CLDN14: variants seen among roughly 807,000 people sequenced by gnomAD.
CLDN14 encodes the protein claudin 14.
A neutral mutation model predicts 2.1 loss-of-function variants in CLDN14; 2 were observed. The observed-to-expected ratio is 0.96, with a 90% CI of 0.39 to 3.01. The LOEUF (loss-of-function observed/expected upper bound fraction) is 3.01. Ranked by LOEUF, CLDN14 falls within the 30% of genes most tolerant of loss-of-function variation. The probability of loss-of-function intolerance (pLI) is 0.09; values close to 1 mark genes in which losing one functional copy is unlikely to be tolerated. For missense variants in CLDN14, 298 were observed against 328.0 expected (o/e 0.91, Z 0.71); for synonymous variants, 136 against 154.4 (o/e 0.88, Z 0.88).
At chr21:36,476,182 G>A (rs1346087242) in intron 1 of CLDN14, among the ~76,000 whole-genome samples, 1 of 152,064 alleles carries the variant, frequency 6.6e-6, no homozygotes, top group Non-Finnish European at 1.5e-5. Context: ...CACTCCCTTC[G>A]CTTGAAATCC....
At chr21:36,540,116 GT>G (rs1190607561) in intron 1 of CLDN14, among the ~76,000 whole-genome samples, 1 of 151,510 alleles carries the variant, frequency 6.6e-6, no homozygotes, top group African/African-American at 2.4e-5. Context: ...GTGAGTGTGT[GT>G]GGTGTGTGGT....
intron 1 of CLDN14, among the ~76,000 whole-genome samples, chr21:36,464,261 C>G (rs2086617392): frequency 6.6e-6 from 1 of 152,206 alleles, no homozygotes; most frequent in African/African-American, 2.4e-5. Flanking sequence ...GCCTCCCCAG[C>G]CACGCTTCCT....
At chr21:36,494,830 C>G (rs976018117) in intron 2 of CLDN14, among the ~76,000 whole-genome samples, 3 of 152,212 alleles carry the variant, frequency 2.0e-5, no homozygotes, top group African/African-American at 4.8e-5. Flanking sequence ...TTTAAGCCGC[C>G]CTGTCTGTGG....
At chr21:36,546,581 A>G (rs1238552205) in intron 1 of CLDN14, among the ~76,000 whole-genome samples, 1 of 152,094 alleles carries the variant, frequency 6.6e-6, no homozygotes, top group African/African-American at 2.4e-5. Context: ...CCTCTGTTGA[A>G]CTTTCCTCAA....
chr21:36,470,190 C>A (rs1401651434), intron 1 of CLDN14, among the ~76,000 whole-genome samples: 1 of 152,086 alleles, frequency 6.6e-6, no homozygotes, highest in Non-Finnish European at 1.5e-5. Flanking sequence ...CCTGGTCCCC[C>A]AAAAGAGATA....
chr21:36,545,229 A>T lies in CLDN14; in HGVS notation c.-220+31182T>A, dbSNP rs547607150. Among the ~76,000 whole-genome samples, 9 of 152,340 alleles carry T rather than the reference A, an allele frequency of 5.9e-5. 1 individual carries two copies. In the South Asian group the frequency reaches 1.7e-3, roughly 28 times the overall value. Reference sequence around the variant, plus strand: ...TGATTTTTAAGAAACACAAATTCAAATGCAATATTCTTAAAGCGTTTTAAG... The same window carrying T: ...TGATTTTTAAGAAACACAAATTCAATTGCAATATTCTTAAAGCGTTTTAAG... On this transcript the variant is annotated intron_variant, in intron 1 of 2. Transcript: ENST00000342108.
At chr21:36,529,856 GT>G (rs1418745289) in intron 1 of CLDN14, among the ~76,000 whole-genome samples, 2 of 152,190 alleles carry the variant, frequency 1.3e-5, no homozygotes, top group Non-Finnish European at 2.9e-5. Flanking sequence ...GAAAGCAACT[GT>G]TTTATGCAGA....
intron 1 of CLDN14, among the ~76,000 whole-genome samples, chr21:36,568,852 C>T (rs1325409642): frequency 1.3e-5 from 2 of 152,330 alleles, no homozygotes; most frequent in Middle Eastern, 3.4e-3. Flanking sequence ...ACTGAACAGG[C>T]CATTTGTATG....
chr21:36,516,400 C>T (rs1168002618), intron 1 of CLDN14, among the ~76,000 whole-genome samples: 1 of 152,138 alleles, frequency 6.6e-6, no homozygotes, highest in Admixed American at 6.5e-5. Context: ...TACAAGCGAC[C>T]GTTAGATATT....
At chr21:36,475,349 T>TC (rs1459789150) in intron 1 of CLDN14, among the ~76,000 whole-genome samples, 1 of 152,166 alleles carries the variant, frequency 6.6e-6, no homozygotes, top group Non-Finnish European at 1.5e-5. Flanking sequence ...GGTCTGTTCA[T>TC]CGTGGAGAAG....
intron 1 of CLDN14, among the ~76,000 whole-genome samples, chr21:36,554,938 T>A (rs2087588367): frequency 2.0e-5 from 3 of 152,186 alleles, no homozygotes; most frequent in Admixed American, 1.3e-4. Context: ...CCCAAATTCT[T>A]CCATATTTAT....
At chr21:36,493,373 T>A (rs766245915) in intron 2 of CLDN14, among the ~76,000 whole-genome samples, 2 of 152,080 alleles carry the variant, frequency 1.3e-5, no homozygotes, top group Admixed American at 6.6e-5. Context: ...TAAGCTTTCT[T>A]AATGTGGGTT....
chr21:36,466,527 A>G (rs1239390800), intron 1 of CLDN14: 2 of 152,190 alleles, frequency 1.3e-5, no homozygotes, highest in African/African-American at 4.8e-5. Flanking sequence ...CTTACTCACT[A>G]TCATGAGAAT....
intron 1 of CLDN14, among the ~76,000 whole-genome samples, chr21:36,574,303 A>C (rs2087727594): frequency 6.6e-6 from 1 of 152,224 alleles, no homozygotes; most frequent in South Asian, 2.1e-4. Flanking sequence ...CAATGGAGAA[A>C]GGAAAGTTTT....
chr21:36,495,389 G>T (rs2087006910), intron 2 of CLDN14, among the ~76,000 whole-genome samples: 3 of 152,212 alleles, frequency 2.0e-5, no homozygotes, highest in Admixed American at 2.0e-4. Flanking sequence ...AGTTTATCCT[G>T]AATTGACTGA....
chr21:36,548,017 C>T (rs1222933336), intron 1 of CLDN14, among the ~76,000 whole-genome samples: 2 of 152,194 alleles, frequency 1.3e-5, no homozygotes, highest in Admixed American at 1.3e-4. Context: ...CCCCCTCTTT[C>T]TCCTCGCGTC....
chr21:36,538,149 T>G (rs2087445489), intron 1 of CLDN14, among the ~76,000 whole-genome samples: 1 of 152,142 alleles, frequency 6.6e-6, no homozygotes, highest in Non-Finnish European at 1.5e-5. Flanking sequence ...GTCAGTTGGA[T>G]GGAGGTCTAT....
In CLDN14 at chr21:36,461,676, T is replaced by C. The variant is rs2086578304; in HGVS notation, c.20A>G (p.Gln7Arg). The C allele has an allele frequency of 1.3e-6, 2 of 1,553,428 alleles. No individual in the cohort carries two copies. The highest frequency in any genetic ancestry group is 2.4e-5 in the East Asian group (1 of 41,044). ...GAAGCTGAGCAGGAAGCCCAGAAGC[T>C]GCACGGCCGTGCTGGCCATGGTGCG... MASTAV[Q>R]LLGFLLSFLG... The change falls in exon 2 of 2, where the codon CAG becomes CGG. Residue 7 changes from glutamine to arginine, a missense_variant. Transcript: ENST00000399135.
intron 1 of CLDN14, among the ~76,000 whole-genome samples, chr21:36,464,999 TG>T (rs1360007375): frequency 6.6e-6 from 1 of 152,230 alleles, no homozygotes; most frequent in African/African-American, 2.4e-5. Context: ...TGCAGTGGTT[TG>T]GGCAGCCAGG....
Sources: gnomAD v4.1 joint callset for allele counts (sites outside exome capture counted in the v4.1 genomes callset) on GRCh38, gnomAD v4.1.1 for gene constraint, MANE v1.5 for transcripts, NCBI Gene and HGNC (gene_info 2026-07-23, HGNC 2026-07-21) for gene names.